NBEA: variants seen among roughly 807,000 people sequenced by gnomAD.
NBEA encodes the protein lysosomal-trafficking regulator 2.
Under a neutral mutation model 343.4 loss-of-function variants are expected in NBEA, and 44 were observed. That is an observed-to-expected ratio of 0.13 (90% CI 0.10 to 0.16). NBEA has a LOEUF of 0.16. Among genes scored for constraint, NBEA ranks in the 10% least tolerant of loss-of-function variants. The pLI, the probability that NBEA is intolerant of heterozygous loss-of-function variation, is 1.00. For missense variants in NBEA, 2,555 were observed against 3,631.3 expected, an observed-to-expected ratio of 0.70 and a Z score of 7.62; for synonymous variants, 1,175 against 1,238.7, an observed-to-expected ratio of 0.95 and a Z score of 1.08.
chr13:35,208,806 A>G lies in NBEA; in HGVS notation c.5473A>G (p.Ile1825Val), dbSNP rs749395564. ...GCTGCCAACAGGCAGTACCTCTAAT[A>G]TATTTGCTGCTACTGGAGCTACACC... Reference protein sequence around the residue: ...SGLPTGSTSNIFAATGATPKS... With the variant: ...SGLPTGSTSNVFAATGATPKS... The change falls in exon 32 of 59, where the codon ATA becomes GTA. Residue 1825 changes from isoleucine to valine, a missense_variant. Around this residue, in one of 21 missense-constraint regions of NBEA, gnomAD observed 270 missense variants for 293.3 expected, o/e 0.92. Coordinates refer to ENST00000379939, the MANE Select transcript of NBEA (RefSeq NM_001385012.1). 1.2e-6 allele frequency: 2 copies of G among 1,609,520 alleles called. No individual in the cohort carries two copies. Among genetic ancestry groups the G allele is most frequent in the Non-Finnish European group, 1.7e-6 (2 of 1,177,308 alleles).
chr13:35,645,746 C>A, intron 49 of NBEA, 123 bp from the exon 50 acceptor site: 1 of 482,446 alleles, frequency 2.1e-6, no homozygotes, highest in South Asian at 4.9e-5. Flanking sequence ...TTTAATAATT[C>A]TATAAAATCT....
At chr13:35,229,349 A>C (rs1435753593) in intron 33 of NBEA, among the ~76,000 whole-genome samples, 1 of 152,138 alleles carries the variant, frequency 6.6e-6, no homozygotes, top group African/African-American at 2.4e-5. Flanking sequence ...ATGTTTTTGA[A>C]TAAATGAAAG....
chr13:35,559,930 C>CAAAAA (rs34700584), intron 44 of NBEA, among the ~76,000 whole-genome samples: 1 of 108,976 alleles, frequency 9.2e-6, no homozygotes, highest in African/African-American at 3.8e-5. Context: ...GACTCCGTCT[C>CAAAAA]AAAAAAAAAA....
At chr13:35,253,758 G>A (rs996272676) in intron 34 of NBEA, among the ~76,000 whole-genome samples, 1 of 151,952 alleles carries the variant, frequency 6.6e-6, no homozygotes, top group African/African-American at 2.4e-5. Context: ...AGTTCACAAA[G>A]CCTAAAATAT....
chr13:35,013,383 A>G (rs1007957996), intron 1 of NBEA, among the ~76,000 whole-genome samples: 1 of 152,222 alleles, frequency 6.6e-6, no homozygotes, highest in African/African-American at 2.4e-5. Flanking sequence ...AAAGATTTAT[A>G]AGCCCACAGC....
At chr13:35,260,543 A>G (rs1018980903) in intron 34 of NBEA, among the ~76,000 whole-genome samples, 5 of 152,206 alleles carry the variant, frequency 3.3e-5, no homozygotes, top group African/African-American at 1.2e-4. Flanking sequence ...TTTCCAGTAA[A>G]TCACAGCACT....
intron 1 of NBEA, among the ~76,000 whole-genome samples, chr13:34,960,299 G>C (rs1262536357): frequency 1.3e-5 from 2 of 152,018 alleles, no homozygotes; most frequent in African/African-American, 2.4e-5. Flanking sequence ...GTCATATAAT[G>C]TGTTTGTGTT....
intron 38 of NBEA, among the ~76,000 whole-genome samples, chr13:35,358,188 A>C (rs1267145855): frequency 1.3e-5 from 2 of 151,264 alleles, no homozygotes; most frequent in African/African-American, 4.9e-5. Context: ...CACCCAGCTA[A>C]TTTTTTTATA....
chr13:35,613,591 A>C (rs763850935), intron 48 of NBEA, among the ~76,000 whole-genome samples: 21 of 150,094 alleles, frequency 1.4e-4, no homozygotes, highest in Non-Finnish European at 2.7e-4. Flanking sequence ...TTATATGGTA[A>C]TTCTATTTTT....
intron 30 of NBEA, chr13:35,185,913 G>A (rs2071668277): frequency 6.6e-6 from 1 of 151,954 alleles, no homozygotes; most frequent in South Asian, 2.1e-4. Flanking sequence ...CTTCCAAACG[G>A]GGAAAGATAT....
At chr13:35,473,988 G>T (rs1376587318) in intron 41 of NBEA, among the ~76,000 whole-genome samples, 1 of 152,050 alleles carries the variant, frequency 6.6e-6, no homozygotes, top group Non-Finnish European at 1.5e-5. Flanking sequence ...AATTGTTTCT[G>T]TTGTAGAAAG....
intron 38 of NBEA, among the ~76,000 whole-genome samples, chr13:35,425,609 AG>A (rs1342603031): frequency 6.6e-6 from 1 of 152,210 alleles, no homozygotes; most frequent in Non-Finnish European, 1.5e-5. Context: ...GGTGCTGAAA[AG>A]AATGTATATT....
At chr13:35,463,826 A>G (rs1001109128) in intron 40 of NBEA, among the ~76,000 whole-genome samples, 3 of 152,084 alleles carry the variant, frequency 2.0e-5, no homozygotes, top group Non-Finnish European at 2.9e-5. Context: ...GGAGATAGAA[A>G]TAAGAGAGCA....
chr13:35,278,642 C>T lies in NBEA; in HGVS notation c.5777-11747C>T, dbSNP rs1267715363. Among the ~76,000 whole-genome samples, 7 of 152,128 alleles carry T rather than the reference C, an allele frequency of 4.6e-5. No homozygotes were observed. In the East Asian group the frequency reaches 7.7e-4, roughly 17 times the overall value. On this transcript the variant is annotated intron_variant, in intron 34 of 58. Transcript: ENST00000379939. ...AAATAACTAAGAACCAATACTTTTC[C>T]ATATCATTTCATTTCTGCTATCATA...
Position 35,646,289 on chromosome 13 carries a change from C to G in NBEA, c.7711C>G (p.Gln2571Glu). 1 of 1,613,752 alleles carries G rather than the reference C, an allele frequency of 6.2e-7. No individual in the cohort carries two copies. The highest frequency in any genetic ancestry group is 1.3e-5 in the African/African-American group (1 of 75,046). The change falls in exon 51 of 59, where the codon CAG becomes GAG. Residue 2571 changes from glutamine to glutamate, a missense_variant. Transcript: ENST00000379939. ...AMEAQIQNFG[Q>E]TPSQLLIEPH... Reference sequence around the variant, plus strand: ...GGAGGCACAGATACAGAACTTTGGACAGACGCCATCTCAGTTGCTTATTGA... The same window carrying G: ...GGAGGCACAGATACAGAACTTTGGAGAGACGCCATCTCAGTTGCTTATTGA...
At chr13:35,620,550 C>A (rs1418002448) in intron 48 of NBEA, among the ~76,000 whole-genome samples, 1 of 149,474 alleles carries the variant, frequency 6.7e-6, no homozygotes, top group Non-Finnish European at 1.5e-5. Flanking sequence ...GTCTTGAAGG[C>A]CATCATAAGT....
rs945999422 is a variant in NBEA, at chr13:35,476,384, C to A, written c.6585+3848C>A. On this transcript the variant is annotated intron_variant, in intron 41 of 58. Coordinates refer to ENST00000379939, the MANE Select transcript of NBEA (RefSeq NM_001385012.1). ...CCCTTCCTTTTATCTTTGAGCCCAG[C>A]CGTTCTTAAAGTGAAAGACTGTCCT... 3.5e-6 allele frequency: 4 copies of A among 1,157,232 alleles called. No individual in the cohort carries two copies. The Admixed American group carries it at 8.0e-5, about 23-fold the overall frequency. The allele number at this position is 1,157,232 out of a possible 1,614,324, so 71.7% of individuals were successfully genotyped here.
intron 34 of NBEA, among the ~76,000 whole-genome samples, chr13:35,270,998 TC>T (rs994888118): frequency 3.3e-5 from 5 of 152,134 alleles, no homozygotes; most frequent in Non-Finnish European, 7.4e-5. Flanking sequence ...GAGCAGTGGT[TC>T]CCCCCAGCAT....
At chr13:35,363,730 G>A (rs2040945254) in intron 38 of NBEA, among the ~76,000 whole-genome samples, 1 of 151,766 alleles carries the variant, frequency 6.6e-6, no homozygotes, top group Admixed American at 6.6e-5. Flanking sequence ...CCGATTCGAA[G>A]GTACTATATA....
Sources: gnomAD v4.1 joint callset for allele counts (sites outside exome capture counted in the v4.1 genomes callset) on GRCh38, gnomAD v4.1.1 for gene constraint, gnomAD v4.1.1 regional missense constraint, MANE v1.5 for transcripts, NCBI Gene and HGNC (gene_info 2026-07-23, HGNC 2026-07-21) for gene names.